HSPA12B: variants seen among roughly 807,000 people sequenced by gnomAD.
HSPA12B encodes the protein heat shock protein family A (Hsp70) member 12B, also known as heat shock 70 kDa protein 12B.
HSPA12B carries 54 observed loss-of-function variants against 69.3 expected under a neutral mutation model. The ratio of observed to expected loss-of-function variants is 0.78; its 90% confidence interval spans 0.63 to 0.98. The LOEUF is 0.98. Ranked by LOEUF, HSPA12B falls within the 50% of genes least tolerant of loss-of-function variation. The pLI, the probability that HSPA12B is intolerant of heterozygous loss-of-function variation, is 0.00. For missense variants in HSPA12B, 929 were observed against 999.8 expected (o/e 0.93, Z 0.96); for synonymous variants, 441 against 436.5 (o/e 1.01, Z -0.13).
chr20:3,748,225 A>G lies in HSPA12B; in HGVS notation c.684A>G (p.Leu228=). The change falls in exon 8 of 13, where the codon CTA becomes CTG. Residue 228 remains leucine (L), a synonymous_variant. Transcript: ENST00000254963. ...CCACCACCCATCCCCAGGCTGGACT[A>G]GTGTCCCGAGAGAATGCAGAGCAGC... is the stretch of plus-strand genomic sequence containing the variant. ...FMREAAYLAG[L]VSRENAEQLL... 6.4e-7 allele frequency: 1 copy of G among 1,569,174 alleles called. No homozygotes were observed. The highest frequency in any genetic ancestry group is 8.7e-7 in the Non-Finnish European group (1 of 1,154,448).
Position 3,744,832 on chromosome 20 carries a change from A to G in HSPA12B, c.267-70A>G, listed in dbSNP as rs552986982. 2 of 1,470,438 alleles carry G rather than the reference A, an allele frequency of 1.4e-6. No homozygotes were observed. Among genetic ancestry groups the G allele is most frequent in the Admixed American group, 1.8e-5 (1 of 55,300 alleles). The allele number at this position is 1,470,438 out of a possible 1,614,324, so 91.1% of individuals were successfully genotyped here. ...CTTTCACATCTGTAAGTTTTTGCAC[A>G]TGCTGTTCCCTCTGCCTGGATTCCC... On this transcript the variant is annotated intron_variant, in intron 4 of 12. Coordinates refer to ENST00000254963, the MANE Select transcript of HSPA12B (RefSeq NM_052970.5). This position sits in a 1 kb window ranked among gnomAD's most constrained non-coding sequence, Gnocchi z 4.9.
chr20:3,738,498 G>T (rs575087836), intron 1 of HSPA12B, among the ~76,000 whole-genome samples, 160 bp from the exon 2 acceptor site: 16 of 152,316 alleles, frequency 1.1e-4, no homozygotes, highest in Non-Finnish European at 1.9e-4. Flanking sequence ...TTTATCTGTT[G>T]GAGAGATGTA....
intron 4 of HSPA12B, among the ~76,000 whole-genome samples, chr20:3,742,883 T>G (rs1018893314): frequency 2.1e-5 from 2 of 94,050 alleles, no homozygotes; most frequent in South Asian, 3.3e-4. Flanking sequence ...GGGTTTTTTG[T>G]TTTTTTTTGA....
chr20:3,749,167 G>A lies in HSPA12B; in HGVS notation c.851-65G>A. 7.1e-7 allele frequency: 1 copy of A among 1,415,264 alleles called. No homozygotes were observed. Among genetic ancestry groups the A allele is most frequent in the African/African-American group, 1.4e-5 (1 of 70,894 alleles). 87.7% of individuals were successfully genotyped at this position (1,415,264 alleles called of 1,614,324 possible). ...ATGGAGGTCCTGGGCAGGAGGATGG[G>A]AGTTGAACGCCATAGCTGGAGCACC... On this transcript the variant is annotated intron_variant, in intron 8 of 12. Transcript: ENST00000254963. The surrounding 1 kb of genome is among the most constrained non-coding windows in gnomAD (Gnocchi z 5.5).
chr20:3,751,904 G>T lies in HSPA12B; in HGVS notation c.1799G>T (p.Gly600Val). The change falls in exon 13 of 13, where the codon GGC becomes GTC. Residue 600 changes from glycine to valine, a missense_variant. Gly to Val is a moderately radical substitution (Grantham distance 109). Transcript: ENST00000254963. ...CGCAGCTACTGCCCGGCGCGTCCCG[G>T]CCAGCGGCGCGTACTCATCAACCTG... ...VRRSYCPARP[G>V]QRRVLINLYC... 6.4e-7 allele frequency: 1 copy of T among 1,574,048 alleles called. No individual in the cohort carries two copies.
chr20:3,747,279 G>T (rs1170762053), intron 7 of HSPA12B, among the ~76,000 whole-genome samples: 1 of 152,128 alleles, frequency 6.6e-6, no homozygotes, highest in Non-Finnish European at 1.5e-5. Flanking sequence ...CCATACCTAT[G>T]GGCCAGGCAT....
chr20:3,750,317 G>C (rs2088393039), intron 11 of HSPA12B, 90 bp downstream of exon 11: 3 of 1,329,396 alleles, frequency 2.3e-6, no homozygotes, highest in Admixed American at 2.6e-5. Flanking sequence ...GAACGGTGGG[G>C]GTCTGCCTGA....
chr20:3,745,016 T>C lies in HSPA12B; in HGVS notation c.381T>C (p.His127=), dbSNP rs758508985. 3.7e-6 allele frequency: 6 copies of C among 1,614,002 alleles called. No homozygotes were observed. Among genetic ancestry groups the C allele is most frequent in the Admixed American group, 1.7e-5 (1 of 60,024 alleles). Residue 127 remains histidine, a synonymous_variant, in exon 5 of 13, where the codon CAT becomes CAC. Coordinates refer to ENST00000254963, the MANE Select transcript of HSPA12B (RefSeq NM_052970.5). The surrounding 1 kb of genome is among the most constrained non-coding windows in gnomAD (Gnocchi z 5.6). ...GCTACACCGCCCGCGATTACTACCA[T>C]GACCTGGACCCCGAAGAGGCGCGGG... is the stretch of plus-strand genomic sequence containing the variant. ...SFGYTARDYY[H]DLDPEEARDW...
In HSPA12B at chr20:3,737,810, C is replaced by CA. The variant is rs1433034074; in HGVS notation, c.-17-848_-17-847insA. Among the ~76,000 whole-genome samples the CA allele has an allele frequency of 1.3e-5, 2 of 152,156 alleles. No individual in the cohort carries two copies. Among genetic ancestry groups the CA allele is most frequent in the Non-Finnish European group, 2.9e-5 (2 of 68,036 alleles). Reference sequence around the variant, plus strand: ...CTGAGGTCAGGAGTTCGAGAACAGCCTGGCCAACACGGCGAAACCCCGTCT... The same window carrying CA: ...CTGAGGTCAGGAGTTCGAGAACAGCCATGGCCAACACGGCGAAACCCCGTCT... On this transcript the variant is annotated intron_variant, in intron 1 of 12. Transcript: ENST00000254963. The surrounding 1 kb of genome is among the most constrained non-coding windows in gnomAD (Gnocchi z 4.1).
chr20:3,752,038 G>C lies in HSPA12B; in HGVS notation c.1933G>C (p.Gly645Arg), dbSNP rs770877828. Reference sequence around the variant, plus strand: ...CGCCGACTGCGGCCAGGACACCGCCGGCGCGCCTCCCGGCCGCCGCGAGAT... The same window carrying C: ...CGCCGACTGCGGCCAGGACACCGCCCGCGCGCCTCCCGGCCGCCGCGAGAT... ...EPADCGQDTA[G>R]APPGRREIRA... is the part of the protein sequence containing the mutation. Residue 645 changes from glycine to arginine, a missense_variant, in exon 13 of 13, where the codon GGC (glycine) becomes CGC (arginine). This residue lies in a region of HSPA12B where 448 missense variants were observed against 448.1 expected (regional missense o/e 1.00). Transcript: ENST00000254963. 1.3e-6 allele frequency: 2 copies of C among 1,552,106 alleles called. No individual in the cohort carries two copies. Among genetic ancestry groups the C allele is most frequent in the East Asian group, 2.4e-5 (1 of 42,400 alleles).
chr20:3,751,976 T>G lies in HSPA12B; in HGVS notation c.1871T>G (p.Val624Gly). 6.3e-7 allele frequency: 1 copy of G among 1,576,362 alleles called. No individual in the cohort carries two copies. Among genetic ancestry groups the G allele is most frequent in the South Asian group, 1.1e-5 (1 of 87,996 alleles). ...GCGCGCTTCATCACCGACCCCGGCG[T>G]GCGCAAATGCGGCGCGCTCAGCCTC... Reference protein sequence around the residue: ...EDARFITDPGVRKCGALSLEL... With the variant: ...EDARFITDPGGRKCGALSLEL... Residue 624 changes from valine (V) to glycine (G), a missense_variant, in exon 13 of 13, where the codon GTG becomes GGG. Physicochemically the swap from Val to Gly is moderately radical, Grantham distance 109. Coordinates refer to ENST00000254963, the MANE Select transcript of HSPA12B (RefSeq NM_052970.5).
chr20:3,749,625 T>C lies in HSPA12B; in HGVS notation c.938-125T>C. The C allele has an allele frequency of 1.4e-6, 1 of 706,366 alleles. No homozygotes were observed. Among genetic ancestry groups the C allele is most frequent in the Non-Finnish European group, 2.3e-6 (1 of 431,854 alleles). 43.8% of individuals were successfully genotyped at this position (706,366 alleles called of 1,614,324 possible). On this transcript the variant is annotated intron_variant, in intron 9 of 12. Coordinates refer to ENST00000254963, the MANE Select transcript of HSPA12B (RefSeq NM_052970.5). This position sits in a 1 kb window ranked among gnomAD's most constrained non-coding sequence, Gnocchi z 5.5. Reference sequence around the variant, plus strand: ...AAGCACCTGAAGCCCCTCACGTCCCTCCCCCGACCCTGCAGACAGGCCTTG... The same window carrying C: ...AAGCACCTGAAGCCCCTCACGTCCCCCCCCCGACCCTGCAGACAGGCCTTG...
Position 3,745,137 on chromosome 20 carries a change from G to A in HSPA12B, c.453+49G>A, listed in dbSNP as rs41279386. 0.016 allele frequency: 23,071 copies of A among 1,468,742 alleles called. 299 individuals are homozygous for A. Among genetic ancestry groups the A allele is most frequent in the Middle Eastern group, 0.026 (148 of 5,660 alleles). 91.0% of individuals were successfully genotyped at this position (1,468,742 alleles called of 1,614,324 possible). ...GGAGGCGGGGCCAGCATGGAAAAGG[G>A]CAGGGCTAATGGGGGTGGGTGGGAC... On this transcript the variant is annotated intron_variant, in intron 5 of 12. Coordinates refer to ENST00000254963, the MANE Select transcript of HSPA12B (RefSeq NM_052970.5). This position sits in a 1 kb window ranked among gnomAD's most constrained non-coding sequence, Gnocchi z 5.6.
rs1236051765 is a variant in HSPA12B at position 3,742,164 on chromosome 20, C to A, written c.142-120C>A. ...CAGGTGGGGTGGGCCAGGTCCAGGGCTGGTCTGGACCACAGTCAGTGGAGG... is the reference window on the plus strand; with the variant it reads ...CAGGTGGGGTGGGCCAGGTCCAGGGATGGTCTGGACCACAGTCAGTGGAGG... On this transcript the variant is annotated intron_variant, in intron 3 of 12. Transcript: ENST00000254963. The A allele has an allele frequency of 3.5e-5, 50 of 1,449,018 alleles. No homozygotes were observed. In the African/African-American group the frequency reaches 6.4e-4, roughly 19 times the overall value. The allele number at this position is 1,449,018 out of a possible 1,614,324, so 89.8% of individuals were successfully genotyped here.
chr20:3,749,961 C>T lies in HSPA12B; in HGVS notation c.1043-8C>T, dbSNP rs1305797391. ...CTGACGCCCTCTTCGCCCCCTGCTC[C>T]ACCCCAGGGGGCCCTTATGGCGCGG... is the stretch of plus-strand genomic sequence containing the variant. On this transcript the variant is annotated splice_region_variant and splice_polypyrimidine_tract_variant and intron_variant, in intron 10 of 12. Coordinates refer to ENST00000254963, the MANE Select transcript of HSPA12B (RefSeq NM_052970.5). This position sits in a 1 kb window ranked among gnomAD's most constrained non-coding sequence, Gnocchi z 5.5. 1.9e-6 allele frequency: 3 copies of T among 1,556,892 alleles called. No individual in the cohort carries two copies. The highest frequency in any genetic ancestry group is 1.9e-5 in the Admixed American group (1 of 52,488).
In HSPA12B at chr20:3,740,687, C is replaced by T; in HGVS notation, c.44-128C>T. 1 of 731,246 alleles carries T rather than the reference C, an allele frequency of 1.4e-6. No individual in the cohort carries two copies. Among genetic ancestry groups the T allele is most frequent in the Middle Eastern group, 2.3e-4 (1 of 4,328 alleles). 45.3% of individuals were successfully genotyped at this position (731,246 alleles called of 1,614,324 possible). On this transcript the variant is annotated intron_variant, in intron 2 of 12. Transcript: ENST00000254963. The surrounding 1 kb of genome is among the most constrained non-coding windows in gnomAD (Gnocchi z 4.9). The stretch of plus-strand genomic sequence containing the variant: ...CTTTCCTACACCCCGCAGTCCTCCT[C>T]CCCAGCAGAGAGCCCTTTGCCTTAG...
At chr20:3,736,179 T>C (rs2088106165) in intron 1 of HSPA12B, among the ~76,000 whole-genome samples, 1 of 152,190 alleles carries the variant, frequency 6.6e-6, no homozygotes, top group South Asian at 2.1e-4. Context: ...TCCCACTCCA[T>C]CATCCTGAGC....
At chr20:3,738,847 TG>T (rs2088148952) in intron 2 of HSPA12B, 130 bp downstream of exon 2, 3 of 861,476 alleles carry the variant, frequency 3.5e-6, no homozygotes, top group South Asian at 2.9e-5. Flanking sequence ...AGTGAGTGTG[TG>T]TGTGTGTGTG....
intron 4 of HSPA12B, among the ~76,000 whole-genome samples, chr20:3,743,488 T>C (rs1458601114): frequency 2.6e-5 from 4 of 152,152 alleles, no homozygotes; most frequent in Non-Finnish European, 5.9e-5. Context: ...TGAGCCACCA[T>C]GCCCAGCCCA....
Sources: allele counts gnomAD v4.1 joint callset (sites outside exome capture counted in the v4.1 genomes callset), GRCh38; gene constraint gnomAD v4.1.1; regional missense constraint gnomAD v4.1.1; non-coding constraint Gnocchi (gnomAD v3.1); transcripts MANE v1.5; gene names NCBI Gene and HGNC (gene_info 2026-07-23, HGNC 2026-07-21).